The following PRPS2 variants were observed in gnomAD, a reference collection of about 807,000 sequenced individuals.
PRPS2 encodes the protein phosphoribosyl pyrophosphate synthetase 2.
For synonymous variants in PRPS2, 111 were observed against 115.3 expected, an observed-to-expected ratio of 0.96 and a Z score of 0.24; for missense variants, 104 against 271.5, an observed-to-expected ratio of 0.38 and a Z score of 4.34.
At chrX:12,801,999 T>C (rs923983733) in intron 2 of PRPS2, among the ~76,000 whole-genome samples, 7 of 112,333 alleles carry the variant, frequency 6.2e-5, no homozygotes, top group African/African-American at 2.3e-4. Context: ...TGTAACTTCT[T>C]TAGAAAATTA....
intron 1 of PRPS2, among the ~76,000 whole-genome samples, chrX:12,794,411 AT>A (rs2042534054): frequency 2.9e-4 from 33 of 111,944 alleles, no homozygotes; most frequent in Admixed American, 2.9e-3. Flanking sequence ...CCACCAGTCC[AT>A]TAAGGACTGG....
rs139427979 is a variant in PRPS2, at chrX:12,793,814, C to T, written c.122+2195C>T. Among the ~76,000 whole-genome samples the T allele has an allele frequency of 2.2e-3, 245 of 112,198 alleles. 1 individual carries two copies. The highest frequency in any genetic ancestry group is 7.5e-3 in the African/African-American group (233 of 30,924). On this transcript the variant is annotated intron_variant, in intron 1 of 6. Transcript: ENST00000380668. ...CCTGGCCATCAATCCTCCCATTTTGCGTTTTTTATATGCTACTTTACTGAA... is the reference window on the plus strand; with the variant it reads ...CCTGGCCATCAATCCTCCCATTTTGTGTTTTTTATATGCTACTTTACTGAA...
At chrX:12,804,983 C>T (rs1037286110) in intron 2 of PRPS2, among the ~76,000 whole-genome samples, 1 of 111,793 alleles carries the variant, frequency 8.9e-6, no homozygotes, top group Non-Finnish European at 1.9e-5. Flanking sequence ...AATCTGGAAG[C>T]TTTTAACCAG....
intron 4 of PRPS2, among the ~76,000 whole-genome samples, chrX:12,817,688 C>T (rs6641108): frequency 0.35 from 38,143 of 110,131 alleles, 4,905 homozygotes; most frequent in East Asian, 0.46. Flanking sequence ...GAACGCAATG[C>T]GCTGTATCCA....
intron 4 of PRPS2, among the ~76,000 whole-genome samples, chrX:12,816,058 C>G (rs1480926826): frequency 8.9e-6 from 1 of 111,797 alleles, no homozygotes; most frequent in Non-Finnish European, 1.9e-5. Context: ...AGTTTACAAA[C>G]AAAGGGTATC....
At chrX:12,817,579 G>A (rs973217898) in intron 4 of PRPS2, among the ~76,000 whole-genome samples, 1 of 110,105 alleles carries the variant, frequency 9.1e-6, no homozygotes, top group African/African-American at 3.3e-5. Context: ...TGAAGACAGG[G>A]ACTCAAACAG....
Position 12,823,711 on chromosome X carries a change from T to G in PRPS2, c.*915T>G, listed in dbSNP as rs1338339665. 3 of 112,203 alleles carry G rather than the reference T, an allele frequency of 2.7e-5. No individual in the cohort carries two copies. The highest frequency in any genetic ancestry group is 9.7e-5 in the African/African-American group (3 of 30,855). 9.2% of individuals were successfully genotyped at this position (112,203 alleles called of 1,213,427 possible). On this transcript the variant is annotated 3_prime_UTR_variant, in exon 7 of 7. Transcript: ENST00000380668. Reference sequence around the variant, plus strand: ...ATTCTCTGAATTAAGAACTGATGGTTTCTATCATTATTTAGCCCCACCTTT... The same window carrying G: ...ATTCTCTGAATTAAGAACTGATGGTGTCTATCATTATTTAGCCCCACCTTT...
chrX:12,822,753 A>G lies in PRPS2; in HGVS notation c.914A>G (p.Asn305Ser), dbSNP rs1004022395. 1.7e-6 allele frequency: 2 copies of G among 1,211,703 alleles called. No individual in the cohort carries two copies. Among genetic ancestry groups the G allele is most frequent in the Middle Eastern group, 2.3e-4 (1 of 4,355 alleles). Residue 305 changes from asparagine to serine, a missense_variant, in exon 7 of 7, where the codon AAT (asparagine) becomes AGT (serine). Physicochemically the swap from Asn to Ser is conservative, Grantham distance 46. Transcript: ENST00000380668. ...ILAEAIRRTH[N>S]GESVSYLFSH... ...GCCGAAGCAATCCGAAGGACACACA[A>G]TGGGGAATCCGTGTCCTACCTGTTC...
intron 6 of PRPS2, among the ~76,000 whole-genome samples, chrX:12,821,504 T>C (rs186505753): frequency 2.7e-5 from 3 of 111,451 alleles, no homozygotes; most frequent in African/African-American, 6.5e-5. Flanking sequence ...AGTTTTTGTT[T>C]GGGATGATGA....
At position 12,823,519 on chromosome X, in the gene PRPS2, C is replaced by T. The variant is rs779504183; in HGVS notation, c.*723C>T. ...TAACTGTCACTTACCTGAAATGCTG[C>T]ATCCTAAAATTCCAAAATTATATTG... On this transcript the variant is annotated 3_prime_UTR_variant, in exon 7 of 7. Transcript: ENST00000380668. 1.8e-5 allele frequency: 2 copies of T among 111,135 alleles called. No homozygotes were observed. The highest frequency in any genetic ancestry group is 5.6e-4 in the East Asian group (2 of 3,562). The allele number at this position is 111,135 out of a possible 1,213,427, so 9.2% of individuals were successfully genotyped here.
intron 2 of PRPS2, among the ~76,000 whole-genome samples, chrX:12,801,250 G>GTGTGTGTGTGTGTGTGTGTA (rs2042568813): frequency 3.9e-5 from 4 of 103,048 alleles, no homozygotes; most frequent in African/African-American, 1.5e-4. Context: ...GTGTGTGTGT[G>GTGTGTGTGTGTGTGTGTGTA]TGTATGTGTG....
Position 12,817,370 on chromosome X carries a change from G to A in PRPS2, c.531-2137G>A, listed in dbSNP as rs1246490246. 1.3e-4 allele frequency among the ~76,000 whole-genome samples: 14 copies of A among 104,354 alleles called. No homozygotes were observed. The Admixed American group carries it at 1.4e-3, about 10-fold the overall frequency. 90.6% of individuals were successfully genotyped at this position (104,354 alleles called of 115,157 possible). A position where few individuals can be genotyped will look rare whatever the true frequency, so the allele number is the denominator to read the frequency against. ...TTTAAGATGGCATGTGCTTTGAAAAGAGGATATTGCATTTTTAAGAGTTTA... is the reference window on the plus strand; with the variant it reads ...TTTAAGATGGCATGTGCTTTGAAAAAAGGATATTGCATTTTTAAGAGTTTA... On this transcript the variant is annotated intron_variant, in intron 4 of 6. Transcript: ENST00000380668.
intron 6 of PRPS2, 118 bp downstream of exon 6, chrX:12,820,921 G>A (rs1180536786): frequency 4.8e-5 from 39 of 808,746 alleles, no homozygotes; most frequent in African/African-American, 6.3e-5. Flanking sequence ...TGGCAGAGGC[G>A]GCAGCTTCTC....
chrX:12,791,840 G>A (rs2042520796), intron 1 of PRPS2, among the ~76,000 whole-genome samples: 1 of 112,116 alleles, frequency 8.9e-6, no homozygotes, highest in African/African-American at 3.2e-5. Context: ...CTGTGCCCCC[G>A]GTTGCAGGGC....
intron 4 of PRPS2, among the ~76,000 whole-genome samples, chrX:12,817,572 A>G: frequency 9.1e-6 from 1 of 110,462 alleles, no homozygotes; most frequent in East Asian, 2.8e-4. Context: ...AAAGACTTGA[A>G]GACAGGGACT....
intron 3 of PRPS2, among the ~76,000 whole-genome samples, chrX:12,809,676 T>C (rs5979739): frequency 0.071 from 7,895 of 111,859 alleles, 682 homozygotes; most frequent in African/African-American, 0.24. Context: ...CTGTGCCACT[T>C]TGTGTTATAT....
intron 1 of PRPS2, among the ~76,000 whole-genome samples, chrX:12,796,182 G>A (rs933091604): frequency 7.1e-5 from 6 of 84,826 alleles, no homozygotes; most frequent in African/African-American, 2.6e-4. Flanking sequence ...TGCCCAGCCT[G>A]TTTTTAAATT....
intron 2 of PRPS2, among the ~76,000 whole-genome samples, chrX:12,800,859 C>A (rs2042565768): frequency 9.0e-6 from 1 of 111,359 alleles, no homozygotes; most frequent in Admixed American, 9.6e-5. Flanking sequence ...GTTAATTTCT[C>A]ACCTAAAATC....
chrX:12,809,760 G>C (rs1374428727), intron 3 of PRPS2, among the ~76,000 whole-genome samples: 1 of 112,071 alleles, frequency 8.9e-6, no homozygotes, highest in Non-Finnish European at 1.9e-5. Context: ...GTCCTGCATA[G>C]CCATTCTATT....
Sources: gnomAD v4.1 joint callset for allele counts (sites outside exome capture counted in the v4.1 genomes callset) on GRCh38, gnomAD v4.1.1 for gene constraint, MANE v1.5 for transcripts, NCBI Gene and HGNC (gene_info 2026-07-23, HGNC 2026-07-21) for gene names.